Variants in GLS observed in about 807,000 individuals in gnomAD.
The protein encoded by GLS is glutaminase, also known as glutaminase kidney isoform, mitochondrial.
Under a neutral mutation model 86.7 loss-of-function variants are expected in GLS, and 36 were observed. The observed-to-expected ratio is 0.42, with a 90% confidence interval of 0.32 to 0.55. GLS has a LOEUF of 0.55. Among genes scored for constraint, GLS ranks in the 20% least tolerant of loss-of-function variants. GLS has a pLI of 0.17. For synonymous variants in GLS, 317 were observed against 305.9 expected, an observed-to-expected ratio of 1.04 and a Z score of -0.38; for missense variants, 528 against 833.4, an observed-to-expected ratio of 0.63 and a Z score of 4.51.
intron 14 of GLS, chr2:190,933,365 A>G (rs1690170632): frequency 1.1e-6 from 1 of 870,590 alleles, no homozygotes; most frequent in South Asian, 5.3e-5. Context: ...TATTTAAAAT[A>G]GCAGTGGATT....
intron 14 of GLS, chr2:190,934,014 A>G (rs1394836925): frequency 7.3e-6 from 7 of 965,472 alleles, no homozygotes; most frequent in East Asian, 2.3e-4. Context: ...CATAGTATTT[A>G]TAGTTGTCTT....
chr2:190,960,410 C>CTGAAA, intron 17 of GLS, among the ~76,000 whole-genome samples: 1 of 139,958 alleles, frequency 7.1e-6, no homozygotes, highest in South Asian at 2.3e-4. Flanking sequence ...GCCACTCAGG[C>CTGAAA]TGAAGTGCAA....
At chr2:190,883,815 G>C (rs1046038844) in intron 1 of GLS, among the ~76,000 whole-genome samples, 2 of 152,266 alleles carry the variant, frequency 1.3e-5, no homozygotes, top group Non-Finnish European at 2.9e-5. Context: ...CAGTTCACAT[G>C]GCTGGGATAT....
Position 190,938,107 on chromosome 2 carries a change from AT to A in GLS, c.1650+6472del, listed in dbSNP as rs1490247038. 2.0e-5 allele frequency among the ~76,000 whole-genome samples: 3 copies of A among 151,374 alleles called. No individual in the cohort carries two copies. Among genetic ancestry groups the A allele is most frequent in the African/African-American group, 7.2e-5 (3 of 41,392 alleles). On this transcript the variant is annotated intron_variant, in intron 14 of 17. Coordinates refer to ENST00000320717, the MANE Select transcript of GLS (RefSeq NM_014905.5). This position sits in a 1 kb window ranked among gnomAD's most constrained non-coding sequence, Gnocchi z 4.1. ...ACATCTCAATGGCAAAGAATAATTC[AT>A]TGTATTTATTTTTAAGCCATATTTC...
intron 6 of GLS, among the ~76,000 whole-genome samples, chr2:190,907,560 C>G (rs917306039): frequency 6.6e-6 from 1 of 152,160 alleles, no homozygotes; most frequent in Non-Finnish European, 1.5e-5. Context: ...CTGGCAATAA[C>G]AGTAGTTTTA....
chr2:190,882,895 C>T (rs891056785), intron 1 of GLS, among the ~76,000 whole-genome samples: 1 of 152,202 alleles, frequency 6.6e-6, no homozygotes, highest in East Asian at 1.9e-4. Flanking sequence ...AATTTAATCT[C>T]ATCTGGGACT....
intron 1 of GLS, among the ~76,000 whole-genome samples, chr2:190,887,346 T>C (rs1180585599): frequency 6.6e-6 from 1 of 152,052 alleles, no homozygotes; most frequent in African/African-American, 2.4e-5. Context: ...TACAACGTAG[T>C]AGAAGCAAAA....
rs1439562223 is a variant in GLS, at chr2:190,955,150, C to CT, written c.1853+335dup. Among the ~76,000 whole-genome samples, 1 of 152,016 alleles carries CT rather than the reference C, an allele frequency of 6.6e-6. No homozygotes were observed. The highest frequency in any genetic ancestry group is 2.1e-4 in the South Asian group (1 of 4,824). ...TTAAAAAAAAAATTTTTAAATTACACTTTAAGTTCTGGGATACATGTGCAG... is the reference window on the plus strand; with the variant it reads ...TTAAAAAAAAAATTTTTAAATTACACTTTTAAGTTCTGGGATACATGTGCAG... On this transcript the variant is annotated intron_variant, in intron 17 of 17. Transcript: ENST00000320717. This position sits in a 1 kb window ranked among gnomAD's most constrained non-coding sequence, Gnocchi z 5.6.
intron 1 of GLS, among the ~76,000 whole-genome samples, chr2:190,883,603 A>T (rs1378260720): frequency 6.6e-6 from 1 of 152,248 alleles, no homozygotes; most frequent in Non-Finnish European, 1.5e-5. Flanking sequence ...CATTATTGTA[A>T]AGCCTGTTAA....
Position 190,956,490 on chromosome 2 carries a change from T to C in GLS, c.1853+1672T>C, listed in dbSNP as rs1362776982. On this transcript the variant is annotated intron_variant, in intron 17 of 17. Coordinates refer to ENST00000320717, the MANE Select transcript of GLS (RefSeq NM_014905.5). This position sits in a 1 kb window ranked among gnomAD's most constrained non-coding sequence, Gnocchi z 4.2. ...CTATTTTGGTATCAGTACCATACTG[T>C]TTTGATTACTGTAGCCTTGTAGTAT... Among the ~76,000 whole-genome samples, 1 of 152,216 alleles carries C rather than the reference T, an allele frequency of 6.6e-6. No individual in the cohort carries two copies. The highest frequency in any genetic ancestry group is 1.5e-5 in the Non-Finnish European group (1 of 68,032).
chr2:190,890,099 T>C (rs1688511911), intron 1 of GLS, among the ~76,000 whole-genome samples: 1 of 152,150 alleles, frequency 6.6e-6, no homozygotes, highest in East Asian at 1.9e-4. Context: ...GTCCAGCCAC[T>C]TAAGATTTAT....
At chr2:190,911,849 C>T (rs1689372537) in intron 7 of GLS, among the ~76,000 whole-genome samples, 1 of 152,040 alleles carries the variant, frequency 6.6e-6, no homozygotes, top group South Asian at 2.1e-4. Flanking sequence ...TCCATGGGTC[C>T]TAGTTTAAGA....
At chr2:190,960,955 G>A (rs1254120899) in intron 17 of GLS, among the ~76,000 whole-genome samples, 1 of 152,114 alleles carries the variant, frequency 6.6e-6, no homozygotes, top group Admixed American at 6.5e-5. Context: ...AAATTGAAGA[G>A]CATTTTCCTC....
intron 6 of GLS, among the ~76,000 whole-genome samples, chr2:190,907,299 T>TGGCGCAATCTCGGCTC (rs1169469561): frequency 1.4e-5 from 2 of 147,666 alleles, no homozygotes; most frequent in African/African-American, 4.9e-5. Flanking sequence ...TGGAGTGCAG[T>TGGCGCAATCTCGGCTC]GGCGCAATCT....
At chr2:190,923,353 G>T (rs115807281) in intron 9 of GLS, among the ~76,000 whole-genome samples, 1,602 of 152,202 alleles carry the variant, frequency 0.011, 31 homozygotes, top group African/African-American at 0.036. Context: ...CCATTCCCCA[G>T]TTACATCAGA....
chr2:190,888,917 C>G (rs1327615206), intron 1 of GLS, among the ~76,000 whole-genome samples: 1 of 152,138 alleles, frequency 6.6e-6, no homozygotes, highest in Non-Finnish European at 1.5e-5. Context: ...ATAAAAATTA[C>G]CACTTTAACC....
intron 3 of GLS, among the ~76,000 whole-genome samples, chr2:190,898,615 G>A (rs997483531): frequency 1.3e-5 from 2 of 152,196 alleles, no homozygotes; most frequent in Non-Finnish European, 2.9e-5. Flanking sequence ...TTCACTGAGT[G>A]TATAATTTTG....
intron 1 of GLS, among the ~76,000 whole-genome samples, chr2:190,890,720 TATC>T (rs916176564): frequency 4.6e-5 from 7 of 152,348 alleles, no homozygotes; most frequent in Non-Finnish European, 8.8e-5. Context: ...AACCCTGAAT[TATC>T]ATCTGAAGGA....
In GLS at chr2:190,905,987, AT is replaced by A. The variant is rs1313100316; in HGVS notation, c.979+822del. ...AAAAAATGAAATGTGCCTTATACTC[AT>A]TATTTTATTAGTTTGTAAGATGAAG... On this transcript the variant is annotated intron_variant, in intron 6 of 17. Coordinates refer to ENST00000320717, the MANE Select transcript of GLS (RefSeq NM_014905.5). This position sits in a 1 kb window ranked among gnomAD's most constrained non-coding sequence, Gnocchi z 4.6. Among the ~76,000 whole-genome samples, 1 of 151,966 alleles carries A rather than the reference AT, an allele frequency of 6.6e-6. No individual in the cohort carries two copies. Among genetic ancestry groups the A allele is most frequent in the Non-Finnish European group, 1.5e-5 (1 of 67,954 alleles).
Sources: allele counts gnomAD v4.1 joint callset (sites outside exome capture counted in the v4.1 genomes callset), GRCh38; gene constraint gnomAD v4.1.1; non-coding constraint Gnocchi (gnomAD v3.1); transcripts MANE v1.5; gene names NCBI Gene and HGNC (gene_info 2026-07-23, HGNC 2026-07-21).